PDSS2: variants seen among roughly 807,000 people sequenced by gnomAD.
The protein encoded by PDSS2 is all trans-polyprenyl-diphosphate synthase PDSS2.
In PDSS2, 31 loss-of-function variants were observed where a neutral mutation model predicts 44.5. That is an observed-to-expected ratio of 0.70 (90% CI 0.52 to 0.94). The LOEUF (loss-of-function observed/expected upper bound fraction) is 0.94. Among genes scored for constraint, PDSS2 ranks in the 40% least tolerant of loss-of-function variants. The pLI is 0.00. For synonymous variants in PDSS2, 157 were observed against 180.3 expected, an observed-to-expected ratio of 0.87 and a Z score of 1.03; for missense variants, 452 against 482.2, an observed-to-expected ratio of 0.94 and a Z score of 0.59.
intron 1 of PDSS2, among the ~76,000 whole-genome samples, chr6:107,364,957 G>A (rs964738892): frequency 4.6e-5 from 7 of 152,174 alleles, no homozygotes; most frequent in African/African-American, 1.7e-4. Flanking sequence ...AGGCGGGGAA[G>A]GCTTGGCAGC....
chr6:107,435,807 A>G (rs1781332198), intron 1 of PDSS2, among the ~76,000 whole-genome samples: 1 of 152,174 alleles, frequency 6.6e-6, no homozygotes, highest in Non-Finnish European at 1.5e-5. Context: ...GCATCACAAT[A>G]CTGGAAATAA....
intron 4 of PDSS2, among the ~76,000 whole-genome samples, chr6:107,240,917 A>G (rs1471117540): frequency 6.6e-6 from 1 of 152,234 alleles, no homozygotes; most frequent in East Asian, 1.9e-4. Context: ...GGATAGAACA[A>G]AGGATGAATT....
intron 1 of PDSS2, among the ~76,000 whole-genome samples, chr6:107,445,897 C>T (rs1378090170): frequency 6.6e-6 from 1 of 152,198 alleles, no homozygotes. Context: ...CTACAACACA[C>T]ACATCTGTCT....
At chr6:107,235,950 C>T (rs1774209544) in intron 4 of PDSS2, among the ~76,000 whole-genome samples, 1 of 151,688 alleles carries the variant, frequency 6.6e-6, no homozygotes, top group African/African-American at 2.4e-5. Context: ...GACTCTGGGA[C>T]AAGTTAAAGC....
chr6:107,377,650 C>T (rs1253251209), intron 1 of PDSS2, among the ~76,000 whole-genome samples: 5 of 150,806 alleles, frequency 3.3e-5, no homozygotes, highest in Admixed American at 6.6e-5. Context: ...TGTCCAACAA[C>T]GATAGACTGG....
chr6:107,319,007 T>TACACAC (rs139943860), intron 2 of PDSS2, among the ~76,000 whole-genome samples: 2 of 147,418 alleles, frequency 1.4e-5, no homozygotes, highest in Admixed American at 6.8e-5. Context: ...TATATATATA[T>TACACAC]ACACACACAC....
At chr6:107,267,656 G>C (rs573017129) in intron 3 of PDSS2, among the ~76,000 whole-genome samples, 1 of 149,396 alleles carries the variant, frequency 6.7e-6, no homozygotes, top group African/African-American at 2.5e-5. Flanking sequence ...TGCATTCATA[G>C]CTCAATGCAG....
At chr6:107,262,777 A>C (rs535409610) in intron 3 of PDSS2, among the ~76,000 whole-genome samples, 1 of 151,880 alleles carries the variant, frequency 6.6e-6, no homozygotes, top group Non-Finnish European at 1.5e-5. Context: ...GTCTCAAAAA[A>C]AAAAGAAAAA....
At chr6:107,245,342 A>G (rs1774571161) in intron 4 of PDSS2, among the ~76,000 whole-genome samples, 1 of 143,194 alleles carries the variant, frequency 7.0e-6, no homozygotes, top group African/African-American at 2.5e-5. Flanking sequence ...CAGCCAGAGG[A>G]TAAGAGGTTG....
intron 1 of PDSS2, among the ~76,000 whole-genome samples, chr6:107,378,054 A>C (rs1779343222): frequency 6.6e-6 from 1 of 150,620 alleles, no homozygotes; most frequent in Non-Finnish European, 1.5e-5. Context: ...AAAAAATAAA[A>C]ATAAAAATAA....
chr6:107,288,752 T>C (rs1437754535), intron 2 of PDSS2, among the ~76,000 whole-genome samples: 1 of 137,282 alleles, frequency 7.3e-6, no homozygotes, highest in Non-Finnish European at 1.5e-5. Flanking sequence ...GGGACGAAAT[T>C]GTTTTTTTTT....
chr6:107,348,593 TA>T (rs1245280655), intron 1 of PDSS2, among the ~76,000 whole-genome samples: 2 of 152,260 alleles, frequency 1.3e-5, no homozygotes, highest in African/African-American at 2.4e-5. Flanking sequence ...TAAACCCAAA[TA>T]AAAAAATTAA....
intron 3 of PDSS2, among the ~76,000 whole-genome samples, chr6:107,260,024 G>C (rs1775162392): frequency 6.6e-6 from 1 of 152,162 alleles, no homozygotes; most frequent in African/African-American, 2.4e-5. Flanking sequence ...TGACAATTAA[G>C]CCATAGGAAT....
intron 1 of PDSS2, among the ~76,000 whole-genome samples, chr6:107,400,793 T>G (rs937147496): frequency 6.6e-6 from 1 of 152,136 alleles, no homozygotes; most frequent in African/African-American, 2.4e-5. Flanking sequence ...CACCTGCCAT[T>G]GGAGGGCCTG....
At chr6:107,407,162 T>C (rs905319456) in intron 1 of PDSS2, among the ~76,000 whole-genome samples, 1 of 152,210 alleles carries the variant, frequency 6.6e-6, no homozygotes, top group Non-Finnish European at 1.5e-5. Flanking sequence ...TGGATGAGCC[T>C]TGAAAACATT....
chr6:107,154,421 A>G lies in PDSS2; in HGVS notation c.*198T>C. 1.8e-6 allele frequency: 1 copy of G among 569,666 alleles called. No homozygotes were observed. The highest frequency in any genetic ancestry group is 4.9e-4 in the Middle Eastern group (1 of 2,060). 35.3% of individuals were successfully genotyped at this position (569,666 alleles called of 1,614,324 possible). A position where few individuals can be genotyped will look rare whatever the true frequency, so the allele number is the denominator to read the frequency against. On this transcript the variant is annotated 3_prime_UTR_variant, in exon 8 of 8. Transcript: ENST00000369037. ...AGTGTGCTTCTGGCGTGACAAGTGA[A>G]AACTGCTTGACCTTTTTTTCTTCTA... is the stretch of plus-strand genomic sequence containing the variant.
At chr6:107,204,922 G>A (rs1239798371) in intron 6 of PDSS2, among the ~76,000 whole-genome samples, 1 of 152,106 alleles carries the variant, frequency 6.6e-6, no homozygotes, top group Non-Finnish European at 1.5e-5. Flanking sequence ...GATATCTAGA[G>A]CCATTTCATA....
chr6:107,455,291 G>C lies in PDSS2; in HGVS notation c.296+3699C>G, dbSNP rs75934091. On this transcript the variant is annotated intron_variant, in intron 1 of 7. Transcript: ENST00000369037. ...CTGATGCTATTGCAACTAAGTAGAC[G>C]AACTACGGTTCTCAGAATATACACA... 5.9e-3 allele frequency among the ~76,000 whole-genome samples: 889 copies of C among 150,050 alleles called. 14 individuals carry two copies. Among genetic ancestry groups the C allele is most frequent in the African/African-American group, 0.021 (853 of 40,588 alleles).
intron 3 of PDSS2, among the ~76,000 whole-genome samples, chr6:107,254,830 T>C (rs146164206): frequency 2.0e-5 from 3 of 152,300 alleles, no homozygotes; most frequent in Admixed American, 6.5e-5. Context: ...CAATACACAT[T>C]GTGACACAGT....
Sources: gnomAD v4.1 joint callset for allele counts (sites outside exome capture counted in the v4.1 genomes callset) on GRCh38, gnomAD v4.1.1 for gene constraint, MANE v1.5 for transcripts, NCBI Gene and HGNC (gene_info 2026-07-23, HGNC 2026-07-21) for gene names.